PAXIP1: variants seen among roughly 807,000 people sequenced by gnomAD.
PAXIP1 encodes the protein PAX interacting protein 1.
In PAXIP1, 19 loss-of-function variants were observed where a neutral mutation model predicts 140.6. The observed-to-expected ratio is 0.14, with a 90% CI of 0.09 to 0.20. The LOEUF (loss-of-function observed/expected upper bound fraction) is 0.20. PAXIP1 is among the 10% of genes least tolerant of loss of function. The pLI, the probability that PAXIP1 is intolerant of heterozygous loss-of-function variation, is 1.00. For synonymous variants in PAXIP1, 442 were observed against 444.6 expected (o/e 0.99, Z 0.07); for missense variants, 920 against 1,208.6 (o/e 0.76, Z 3.54).
chr7:154,977,990 A>ACTTTTTAATTTACATT (rs1563379932), intron 5 of PAXIP1, among the ~76,000 whole-genome samples: 1 of 151,546 alleles, frequency 6.6e-6, no homozygotes, highest in African/African-American at 2.4e-5. Flanking sequence ...CGCAGACCAA[A>ACTTTTTAATTTACATT]TTAGAGACTA....
Position 154,983,281 on chromosome 7 carries a change from C to T in PAXIP1, c.376G>A (p.Gly126Arg). The T allele has an allele frequency of 6.2e-7, 1 of 1,612,730 alleles. No individual in the cohort carries two copies. The highest frequency in any genetic ancestry group is 8.5e-7 in the Non-Finnish European group (1 of 1,179,186). Residue 126 changes from glycine to arginine, a missense_variant, in exon 5 of 21, where the codon GGA becomes AGA. Physicochemically the swap from Gly to Arg is moderately radical, Grantham distance 125 (BLOSUM62 -2). Around this residue, in one of 5 missense-constraint regions of PAXIP1, gnomAD observed 419 missense variants for 514.7 expected, o/e 0.81. Coordinates refer to ENST00000404141, the MANE Select transcript of PAXIP1 (RefSeq NM_007349.4). ...TTATTGAGGGTTAGCTGGCAATCTC[C>T]CCCATAGAACGTAACCAAAGCCCAC... ...ALWALVTFYG[G>R]DCQLTLNKKC... is the part of the protein sequence containing the mutation.
chr7:154,995,196 G>A (rs780958716), intron 2 of PAXIP1, among the ~76,000 whole-genome samples: 1 of 152,204 alleles, frequency 6.6e-6, no homozygotes, highest in Non-Finnish European at 1.5e-5. Flanking sequence ...AGATTAGGAT[G>A]GGTGAAGGTC....
At chr7:154,961,736 T>G in intron 10 of PAXIP1, 88 bp from the exon 11 acceptor site, 2 of 1,137,350 alleles carry the variant, frequency 1.8e-6, no homozygotes, top group Non-Finnish European at 2.4e-6. Context: ...AGTTGATACA[T>G]ATTTTTTCAC....
At chr7:154,950,147 T>A (rs1225023339) in intron 16 of PAXIP1, 1 of 151,844 alleles carries the variant, frequency 6.6e-6, no homozygotes, top group Non-Finnish European at 1.5e-5. Context: ...AAATATAAAA[T>A]CCCAAAAACA....
chr7:154,947,877 T>C (rs368169192), intron 17 of PAXIP1, 26 bp downstream of exon 17: 3 of 1,489,132 alleles, frequency 2.0e-6, no homozygotes, highest in Non-Finnish European at 2.8e-6. Context: ...TTACTTGGAC[T>C]GATTTACTTT....
chr7:154,970,009 G>A (rs910650452), intron 6 of PAXIP1, among the ~76,000 whole-genome samples: 2 of 152,166 alleles, frequency 1.3e-5, no homozygotes, highest in South Asian at 2.1e-4. Flanking sequence ...TTCTGTGTAC[G>A]CTGAGGAGTA....
chr7:154,946,730 C>T lies in PAXIP1; in HGVS notation c.3006G>A (p.Val1002=). The T allele has an allele frequency of 6.2e-7, 1 of 1,613,664 alleles. No individual in the cohort carries two copies. The highest frequency in any genetic ancestry group is 8.5e-7 in the Non-Finnish European group (1 of 1,179,750). ...TCCGGAAAGATGGCTGCTTGGATAA[C>T]ACCTTTCCTCCTGCACACTCTACGA... ...KAIVECAGGK[V]LSKQPSFRKL... The change falls in exon 18 of 21, where the codon GTG becomes GTA. Residue 1002 remains valine (V), a synonymous_variant. Coordinates refer to ENST00000404141, the MANE Select transcript of PAXIP1 (RefSeq NM_007349.4). The surrounding 1 kb of genome is among the most constrained non-coding windows in gnomAD (Gnocchi z 4.9).
intron 4 of PAXIP1, among the ~76,000 whole-genome samples, chr7:154,990,230 G>A (rs1480566213): frequency 2.6e-5 from 4 of 151,806 alleles, no homozygotes; most frequent in Admixed American, 2.0e-4. Context: ...TAGTAGAGAC[G>A]GGGTTTCGCC....
intron 5 of PAXIP1, among the ~76,000 whole-genome samples, chr7:154,979,638 TA>T (rs1160860718): frequency 2.3e-5 from 2 of 88,244 alleles, no homozygotes; most frequent in African/African-American, 9.1e-5. Flanking sequence ...ATCAAGAACA[TA>T]ATTATATTAT....
intron 5 of PAXIP1, 50 bp from the exon 6 acceptor site, chr7:154,976,381 C>T (rs1809581169): frequency 6.6e-7 from 1 of 1,514,980 alleles, no homozygotes. Context: ...AATTTTATCA[C>T]ATTTCCTACA....
At chr7:154,951,174 C>T (rs544751718) in intron 16 of PAXIP1, 1 of 152,134 alleles carries the variant, frequency 6.6e-6, no homozygotes, top group Admixed American at 6.5e-5. Context: ...CTCTGGGTGA[C>T]TAGCCAAGAG....
At chr7:154,970,453 T>TA (rs1317713971) in intron 6 of PAXIP1, among the ~76,000 whole-genome samples, 1 of 152,246 alleles carries the variant, frequency 6.6e-6, no homozygotes, top group Non-Finnish European at 1.5e-5. Flanking sequence ...CACCCATCTC[T>TA]AAAATCACCT....
chr7:154,965,612 C>CT (rs1234968882), intron 8 of PAXIP1: 1 of 152,184 alleles, frequency 6.6e-6, no homozygotes, highest in Non-Finnish European at 1.5e-5. Context: ...GGATGAAGAC[C>CT]TTTATGATGA....
chr7:154,960,349 C>T (rs1006953968), intron 12 of PAXIP1, among the ~76,000 whole-genome samples: 1 of 152,116 alleles, frequency 6.6e-6, no homozygotes. Context: ...CAAGATGTAA[C>T]AGCAAGTCAG....
At chr7:154,966,845 C>T (rs542832655) in intron 8 of PAXIP1, among the ~76,000 whole-genome samples, 18 of 152,344 alleles carry the variant, frequency 1.2e-4, no homozygotes, top group African/African-American at 4.1e-4. Flanking sequence ...GGAAGACACA[C>T]CAGCCCTGGC....
chr7:154,976,414 C>A, intron 5 of PAXIP1, 83 bp from the exon 6 acceptor site: 1 of 1,499,114 alleles, frequency 6.7e-7, no homozygotes. Context: ...AGAAAAAACT[C>A]AGTCAAGGAA....
chr7:154,971,708 A>T (rs1464031396), intron 6 of PAXIP1, among the ~76,000 whole-genome samples: 1 of 152,240 alleles, frequency 6.6e-6, no homozygotes, highest in Non-Finnish European at 1.5e-5. Flanking sequence ...TTACATTAAT[A>T]CTGAGTTACT....
At chr7:154,955,737 A>G (rs1411101732) in intron 14 of PAXIP1, 106 bp from the exon 15 acceptor site, 9 of 579,824 alleles carry the variant, frequency 1.6e-5, no homozygotes, top group Non-Finnish European at 2.7e-5. Flanking sequence ...CTTTAACTGC[A>G]TGTGGTTTTT....
intron 5 of PAXIP1, among the ~76,000 whole-genome samples, chr7:154,979,244 C>A (rs1809733458): frequency 6.6e-6 from 1 of 152,134 alleles, no homozygotes; most frequent in South Asian, 2.1e-4. Flanking sequence ...ATAACCATAC[C>A]CCGTTTCTGT....
Sources: allele counts gnomAD v4.1 joint callset (sites outside exome capture counted in the v4.1 genomes callset), GRCh38; gene constraint gnomAD v4.1.1; regional missense constraint gnomAD v4.1.1; non-coding constraint Gnocchi (gnomAD v3.1); transcripts MANE v1.5; gene names NCBI Gene and HGNC (gene_info 2026-07-23, HGNC 2026-07-21).